ANKRD11: variants seen among roughly 807,000 people sequenced by gnomAD.
ANKRD11 encodes the protein ankyrin repeat domain 11.
Under a neutral mutation model 195.7 loss-of-function variants are expected in ANKRD11, and 17 were observed. That is an observed-to-expected ratio of 0.09 (90% confidence interval 0.06 to 0.13). The LOEUF is 0.13. ANKRD11 is among the 10% of genes least tolerant of loss of function. ANKRD11 has a pLI of 1.00. For synonymous variants in ANKRD11, 1,953 were observed against 1,528.1 expected (o/e 1.28, Z -6.49); for missense variants, 3,735 against 3,566.1 (o/e 1.05, Z -1.21).
At position 89,279,967 on chromosome 16, in the gene ANKRD11, G is replaced by A. The variant is rs1347691658; in HGVS notation, c.6575C>T (p.Pro2192Leu). The stretch of plus-strand genomic sequence containing the variant: ...AGGGAGCCGGGTGGAGGCCTGGTCA[G>A]GAGGCAGTGCCGGCGGCTCCTCAGC... Reference protein sequence around the residue: ...VVAEEPPALPPDQASTRLPAE... With the variant: ...VVAEEPPALPLDQASTRLPAE... The change falls in exon 9 of 13, where the codon CCT becomes CTT. Residue 2192 changes from proline (P) to leucine (L), a missense_variant. By Grantham distance (98) the Pro-to-Leu change is moderately conservative. Transcript: ENST00000301030. The surrounding 1 kb of genome is among the most constrained non-coding windows in gnomAD (Gnocchi z 5.6). 2.5e-6 allele frequency: 4 copies of A among 1,610,732 alleles called. No individual in the cohort carries two copies. In the East Asian group the frequency reaches 8.9e-5, roughly 36 times the overall value.
intron 2 of ANKRD11, among the ~76,000 whole-genome samples, chr16:89,333,461 G>A (rs536561998): frequency 6.6e-6 from 1 of 152,316 alleles, no homozygotes; most frequent in South Asian, 2.1e-4. Context: ...ACCCACCGTT[G>A]TGGTATCATA....
At chr16:89,351,311 C>T (rs1175019327) in intron 2 of ANKRD11, among the ~76,000 whole-genome samples, 1 of 152,146 alleles carries the variant, frequency 6.6e-6, no homozygotes, top group Non-Finnish European at 1.5e-5. Flanking sequence ...GAATACATTC[C>T]TGAAGGGGAT....
intron 2 of ANKRD11, among the ~76,000 whole-genome samples, chr16:89,339,636 T>C (rs1597706640): frequency 6.6e-6 from 1 of 152,196 alleles, no homozygotes; most frequent in African/African-American, 2.4e-5. Context: ...AAATTAGCAA[T>C]AGCTAATGTT....
At position 89,281,650 on chromosome 16, in the gene ANKRD11, C is replaced by T. The variant is rs886568838; in HGVS notation, c.4892G>A (p.Arg1631Gln). 6.8e-6 allele frequency: 11 copies of T among 1,614,164 alleles called. No individual in the cohort carries two copies. The highest frequency in any genetic ancestry group is 1.6e-4 in the Middle Eastern group (1 of 6,062). The change falls in exon 9 of 13, where the codon CGG becomes CAG. Residue 1631 changes from arginine to glutamine, a missense_variant. Transcript: ENST00000301030. This position sits in a 1 kb window ranked among gnomAD's most constrained non-coding sequence, Gnocchi z 5.5. ...AGCAGGAATGTCCAGACCCTTCTTC[C>T]GCCCGTCGTCTGCCGGCTTCGCCTT... Reference protein sequence around the residue: ...KEKAKPADDGRKKGLDIPAKK... With the variant: ...KEKAKPADDGQKKGLDIPAKK...
intron 2 of ANKRD11, among the ~76,000 whole-genome samples, chr16:89,417,293 AT>A (rs1321562620): frequency 6.6e-6 from 1 of 152,160 alleles, no homozygotes; most frequent in Admixed American, 6.5e-5. Context: ...CACAAAACAG[AT>A]TATGTATTTT....
chr16:89,288,116 G>C, intron 7 of ANKRD11: 1 of 596,614 alleles, frequency 1.7e-6, no homozygotes. Flanking sequence ...CTATGGTTCT[G>C]TGCACTGGCC....
chr16:89,394,642 A>C (rs2041346248), intron 2 of ANKRD11, among the ~76,000 whole-genome samples: 1 of 148,092 alleles, frequency 6.8e-6, no homozygotes, highest in Admixed American at 6.7e-5. Context: ...AAAAAAAAAA[A>C]CAAACAACCT....
At chr16:89,405,645 T>C (rs1193259549) in intron 2 of ANKRD11, among the ~76,000 whole-genome samples, 3 of 152,068 alleles carry the variant, frequency 2.0e-5, no homozygotes, top group Admixed American at 6.5e-5. Flanking sequence ...TCTAGGTAAC[T>C]TTCCTATCAG....
chr16:89,275,784 G>T (rs2033604074), intron 9 of ANKRD11, among the ~76,000 whole-genome samples: 1 of 152,166 alleles, frequency 6.6e-6, no homozygotes, highest in African/African-American at 2.4e-5. Context: ...CACAGAGGTG[G>T]GTCGGCCATT....
At chr16:89,399,723 G>A (rs1267701230) in intron 2 of ANKRD11, among the ~76,000 whole-genome samples, 1 of 152,200 alleles carries the variant, frequency 6.6e-6, no homozygotes, top group Admixed American at 6.5e-5. Context: ...TTGTGGGGAT[G>A]CTGAGCCCAG....
intron 1 of ANKRD11, among the ~76,000 whole-genome samples, chr16:89,428,077 G>A (rs1041949510): frequency 5.4e-5 from 8 of 147,636 alleles, no homozygotes; most frequent in Admixed American, 1.4e-4. Context: ...ACATGGTGGC[G>A]CGCGCCTGTA....
At chr16:89,326,811 C>T (rs1337391175) in intron 2 of ANKRD11, among the ~76,000 whole-genome samples, 2 of 152,180 alleles carry the variant, frequency 1.3e-5, no homozygotes, top group Admixed American at 6.5e-5. Flanking sequence ...CAGAGCAGTG[C>T]CCCAAAGCAT....
chr16:89,400,960 G>A (rs1169155439), intron 2 of ANKRD11, among the ~76,000 whole-genome samples: 2 of 152,290 alleles, frequency 1.3e-5, no homozygotes. Flanking sequence ...CACATCCCCC[G>A]TCTGCCCCGG....
chr16:89,433,422 T>C (rs188824508), intron 1 of ANKRD11, among the ~76,000 whole-genome samples: 42 of 152,352 alleles, frequency 2.8e-4, no homozygotes, highest in Admixed American at 1.3e-3. Context: ...TTCAGACTCC[T>C]TTTTCTTTGC....
intron 11 of ANKRD11, among the ~76,000 whole-genome samples, chr16:89,273,686 A>ACTC (rs1221021073): frequency 4.7e-5 from 7 of 150,430 alleles, no homozygotes; most frequent in Admixed American, 2.6e-4. Context: ...ACAGAGCGAG[A>ACTC]CTCCGTCACA....
chr16:89,281,330 C>G lies in ANKRD11; in HGVS notation c.5212G>C (p.Asp1738His). Reference sequence around the variant, plus strand: ...GTGGAGTGCTGCGAGTCGGCGCAGTCGAACACGAGGTCCGCGTAGTCATCG... The same window carrying G: ...GTGGAGTGCTGCGAGTCGGCGCAGTGGAACACGAGGTCCGCGTAGTCATCG... Reference protein sequence around the residue: ...SADDYADLVFDCADSQHSTPV... With the variant: ...SADDYADLVFHCADSQHSTPV... Residue 1738 changes from aspartate to histidine, a missense_variant, in exon 9 of 13, where the codon GAC (aspartate) becomes CAC (histidine). Coordinates refer to ENST00000301030, the MANE Select transcript of ANKRD11 (RefSeq NM_013275.6). This position sits in a 1 kb window ranked among gnomAD's most constrained non-coding sequence, Gnocchi z 5.5. 6.2e-7 allele frequency: 1 copy of G among 1,613,602 alleles called. No individual in the cohort carries two copies. The highest frequency in any genetic ancestry group is 1.1e-5 in the South Asian group (1 of 91,044).
At chr16:89,434,194 C>A (rs1270838223) in intron 1 of ANKRD11, among the ~76,000 whole-genome samples, 2 of 152,150 alleles carry the variant, frequency 1.3e-5, no homozygotes, top group African/African-American at 4.8e-5. Context: ...ATGGTGCACC[C>A]TACACACACT....
At chr16:89,424,373 G>A (rs998650621) in intron 1 of ANKRD11, among the ~76,000 whole-genome samples, 12 of 151,862 alleles carry the variant, frequency 7.9e-5, no homozygotes, top group Non-Finnish European at 1.5e-4. Context: ...CCCAGGAGAC[G>A]GAGGTTGCAG....
intron 2 of ANKRD11, among the ~76,000 whole-genome samples, chr16:89,394,055 G>A (rs1438138907): frequency 6.6e-6 from 1 of 152,142 alleles, no homozygotes; most frequent in African/African-American, 2.4e-5. Flanking sequence ...GCAGCTCACA[G>A]GGTGCTCCTC....
Sources: gnomAD v4.1 joint callset for allele counts (sites outside exome capture counted in the v4.1 genomes callset) on GRCh38, gnomAD v4.1.1 for gene constraint, Gnocchi (gnomAD v3.1) non-coding constraint, MANE v1.5 for transcripts, NCBI Gene and HGNC (gene_info 2026-07-23, HGNC 2026-07-21) for gene names.